Variants in KANSL1 observed in about 807,000 individuals in gnomAD.
The protein encoded by KANSL1 is MLL1/MLL complex subunit KANSL1.
A neutral mutation model predicts 103.6 loss-of-function variants in KANSL1; 22 were observed. The ratio of observed to expected loss-of-function variants is 0.21; its 90% confidence interval spans 0.15 to 0.30. The LOEUF (loss-of-function observed/expected upper bound fraction) is 0.30. Among genes scored for constraint, KANSL1 ranks in the 10% least tolerant of loss-of-function variants. The pLI, the probability that KANSL1 is intolerant of heterozygous loss-of-function variation, is 1.00. For synonymous variants in KANSL1, 600 were observed against 527.6 expected (o/e 1.14, Z -1.88); for missense variants, 1,337 against 1,399.8 (o/e 0.96, Z 0.72).
chr17:46,111,788 C>T (rs1396954280), intron 2 of KANSL1, among the ~76,000 whole-genome samples: 1 of 152,216 alleles, frequency 6.6e-6, no homozygotes. Flanking sequence ...TCTTACACTA[C>T]ACACAAAAAT....
intron 2 of KANSL1, among the ~76,000 whole-genome samples, chr17:46,128,186 C>T (rs2043668723): frequency 6.6e-6 from 1 of 152,170 alleles, no homozygotes; most frequent in Admixed American, 6.5e-5. Flanking sequence ...TCATCACTAT[C>T]TCTAGTAAAT....
rs1427624649 is a variant in KANSL1 at position 46,171,102 on chromosome 17, G to C, written c.1042C>G (p.Arg348Gly). Reference protein sequence around the residue: ...LRPRSQLMLTRKAEAALRKAA... With the variant: ...LRPRSQLMLTGKAEAALRKAA... ...TTTCTCAAGGCAGCTTCAGCCTTTC[G>C]AGTCAGCATCAACTGGCTCCGTGGT... Residue 348 changes from arginine (R) to glycine (G), a missense_variant, in exon 2 of 15, where the codon CGA (arginine) becomes GGA (glycine). Arg to Gly is a moderately radical substitution (Grantham distance 125, BLOSUM62 -2). Around this residue, in one of 2 missense-constraint regions of KANSL1, gnomAD observed 557 missense variants for 476.4 expected, o/e 1.17. Transcript: ENST00000432791. The C allele has an allele frequency of 1.2e-6, 2 of 1,614,038 alleles. No homozygotes were observed. Among genetic ancestry groups the C allele is most frequent in the Non-Finnish European group, 1.7e-6 (2 of 1,180,044 alleles).
intron 2 of KANSL1, among the ~76,000 whole-genome samples, chr17:46,141,371 C>G (rs2044412541): frequency 6.6e-6 from 1 of 152,238 alleles, no homozygotes; most frequent in Non-Finnish European, 1.5e-5. Context: ...AACTTGGAGA[C>G]AGGAGAGCAG....
At chr17:46,131,110 TTTAAA>T (rs1462517562) in intron 2 of KANSL1, among the ~76,000 whole-genome samples, 2 of 152,220 alleles carry the variant, frequency 1.3e-5, no homozygotes, top group Non-Finnish European at 2.9e-5. Context: ...CCGTCTTATT[TTTAAA>T]TATCAGAGAA....
chr17:46,192,064 C>T (rs1279195622), intron 1 of KANSL1, among the ~76,000 whole-genome samples: 1 of 152,188 alleles, frequency 6.6e-6, no homozygotes, highest in Non-Finnish European at 1.5e-5. Context: ...TCATGTCACC[C>T]CTTCTCCCCT....
chr17:46,157,895 T>C (rs2045515872), intron 2 of KANSL1, among the ~76,000 whole-genome samples: 1 of 152,236 alleles, frequency 6.6e-6, no homozygotes, highest in South Asian at 2.1e-4. Flanking sequence ...AAAGAATACT[T>C]GCTGGAAAAA....
intron 10 of KANSL1, chr17:46,037,959 G>A (rs2077197955): frequency 6.6e-6 from 1 of 152,532 alleles, no homozygotes; most frequent in Non-Finnish European, 1.5e-5. Context: ...CATGCCAAAT[G>A]TCCTGCCATG....
At position 46,061,133 on chromosome 17, in the gene KANSL1, A is replaced by G. The variant is rs116163844; in HGVS notation, c.1848+5404T>C. ...AGCCTTTTCAACCATTCATTTCCAA[A>G]CACTGATGGTTTCCACTGCCAGACT... On this transcript the variant is annotated intron_variant, in intron 6 of 14. Coordinates refer to ENST00000432791, the MANE Select transcript of KANSL1 (RefSeq NM_015443.4). 6.0e-3 allele frequency among the ~76,000 whole-genome samples: 915 copies of G among 152,308 alleles called. 5 individuals carry two copies. Among genetic ancestry groups the G allele is most frequent in the African/African-American group, 0.021 (885 of 41,552 alleles).
At chr17:46,113,274 G>C (rs1333550840) in intron 2 of KANSL1, among the ~76,000 whole-genome samples, 3 of 152,142 alleles carry the variant, frequency 2.0e-5, no homozygotes, top group Non-Finnish European at 4.4e-5. Flanking sequence ...GCTTTCCAAG[G>C]TCAATCTTGC....
chr17:46,086,209 ATTTTTCC>A (rs2079157403), intron 3 of KANSL1, among the ~76,000 whole-genome samples: 1 of 152,180 alleles, frequency 6.6e-6, no homozygotes, highest in Non-Finnish European at 1.5e-5. Context: ...AAAGGGAAGA[ATTTTTCC>A]TTAAACTACA....
chr17:46,038,277 G>T, intron 10 of KANSL1: 1 of 503,180 alleles, frequency 2.0e-6, no homozygotes, highest in Non-Finnish European at 3.5e-6. Context: ...TTAAGAGTTT[G>T]TCCCTGCATC....
intron 6 of KANSL1, among the ~76,000 whole-genome samples, chr17:46,057,812 G>A (rs2077987257): frequency 6.6e-6 from 1 of 152,168 alleles, no homozygotes; most frequent in African/African-American, 2.4e-5. Context: ...ATTCAACTTC[G>A]TATCTGAATA....
At chr17:46,211,574 G>A (rs2048172046) in intron 1 of KANSL1, among the ~76,000 whole-genome samples, 1 of 152,176 alleles carries the variant, frequency 6.6e-6, no homozygotes, top group Admixed American at 6.5e-5. Flanking sequence ...TAACTAAAAT[G>A]CAGTTCTGAG....
At chr17:46,117,124 T>C (rs1461454231) in intron 2 of KANSL1, among the ~76,000 whole-genome samples, 1 of 152,204 alleles carries the variant, frequency 6.6e-6, no homozygotes, top group Admixed American at 6.5e-5. Flanking sequence ...GTGACCACTT[T>C]GGTCAACAGA....
intron 2 of KANSL1, among the ~76,000 whole-genome samples, chr17:46,096,262 C>G (rs1403260774): frequency 4.8e-5 from 7 of 146,948 alleles, no homozygotes; most frequent in Non-Finnish European, 8.9e-5. Flanking sequence ...CCACCTCAGT[C>G]TCCCAAGCAG....
intron 1 of KANSL1, among the ~76,000 whole-genome samples, chr17:46,192,022 AAAAGG>A (rs2047355904): frequency 6.6e-6 from 1 of 152,124 alleles, no homozygotes. Flanking sequence ...GGGACCGAGG[AAAAGG>A]AAAGAGAGCA....
At chr17:46,182,722 T>TCC (rs1452743147) in intron 1 of KANSL1, among the ~76,000 whole-genome samples, 1 of 152,266 alleles carries the variant, frequency 6.6e-6, no homozygotes, top group African/African-American at 2.4e-5. Flanking sequence ...AGTACTACTG[T>TCC]CCTCATTTTA....
rs2077769956 is a variant in KANSL1, at chr17:46,052,963, C to CAAAAAAAAAAAAAAAAAAAA, written c.1849-2260_1849-2259insTTTTTTTTTTTTTTTTTTTT. ...TGGGAAAAAGAGTAAGATCCTGTCT[C>CAAAAAAAAAAAAAAAAAAAA]CAAAAAAAAAAAAAAAAAAAAAAAA... On this transcript the variant is annotated intron_variant, in intron 6 of 14. Coordinates refer to ENST00000432791, the MANE Select transcript of KANSL1 (RefSeq NM_015443.4). Among the ~76,000 whole-genome samples the CAAAAAAAAAAAAAAAAAAAA allele has an allele frequency of 7.0e-5, 3 of 43,140 alleles. 1 individual carries two copies. Among genetic ancestry groups the CAAAAAAAAAAAAAAAAAAAA allele is most frequent in the African/African-American group, 3.1e-4 (3 of 9,806 alleles). The allele number at this position is 43,140 out of a possible 152,430, so 28.3% of individuals were successfully genotyped here.
chr17:46,110,687 A>G (rs1567686066), intron 2 of KANSL1, among the ~76,000 whole-genome samples: 1 of 152,246 alleles, frequency 6.6e-6, no homozygotes, highest in Non-Finnish European at 1.5e-5. Context: ...TAAAAAGAGT[A>G]TTTGATTGTC....
Sources: gnomAD v4.1 joint callset for allele counts (sites outside exome capture counted in the v4.1 genomes callset) on GRCh38, gnomAD v4.1.1 for gene constraint, gnomAD v4.1.1 regional missense constraint, MANE v1.5 for transcripts, NCBI Gene and HGNC (gene_info 2026-07-23, HGNC 2026-07-21) for gene names.